Variants in PTPRT observed in about 807,000 individuals in gnomAD.
PTPRT encodes the protein protein tyrosine phosphatase receptor type T.
Under a neutral mutation model 176.8 loss-of-function variants are expected in PTPRT, and 56 were observed. The ratio of observed to expected loss-of-function variants is 0.32; its 90% confidence interval spans 0.26 to 0.40. The LOEUF (loss-of-function observed/expected upper bound fraction) is 0.40, where lower values mean the gene tolerates loss of function less well. PTPRT is among the 10% of genes least tolerant of loss of function. PTPRT has a pLI of 1.00. For synonymous variants in PTPRT, 783 were observed against 739.0 expected, an observed-to-expected ratio of 1.06 and a Z score of -0.96; for missense variants, 1,540 against 1,908.2, an observed-to-expected ratio of 0.81 and a Z score of 3.60.
intron 6 of PTPRT, among the ~76,000 whole-genome samples, chr20:42,728,433 C>T (rs947701648): frequency 1.3e-5 from 2 of 152,148 alleles, no homozygotes; most frequent in Non-Finnish European, 2.9e-5. Flanking sequence ...GAGGTAAGGA[C>T]TTGCCATAGG....
intron 4 of PTPRT, among the ~76,000 whole-genome samples, chr20:42,778,777 A>G (rs917856598): frequency 4.6e-5 from 7 of 152,208 alleles, no homozygotes; most frequent in African/African-American, 1.4e-4. Context: ...ATGCATATCT[A>G]CTACATAAAC....
intron 7 of PTPRT, among the ~76,000 whole-genome samples, chr20:42,614,507 T>C (rs899876758): frequency 3.3e-5 from 5 of 151,914 alleles, no homozygotes; most frequent in Non-Finnish European, 7.4e-5. Flanking sequence ...TAGCGTGGGT[T>C]CCAGTGTCAG....
chr20:42,810,015 G>A (rs995651699), intron 2 of PTPRT, among the ~76,000 whole-genome samples: 12 of 152,126 alleles, frequency 7.9e-5, no homozygotes, highest in East Asian at 1.9e-4. Flanking sequence ...AGTAGGGGCC[G>A]GGCGCGGTGG....
Position 42,087,404 on chromosome 20 carries a change from TTTTTTA to T in PTPRT, c.3847-1557_3847-1552del, listed in dbSNP as rs1173891821. Among the ~76,000 whole-genome samples the T allele has an allele frequency of 2.0e-5, 3 of 149,412 alleles. No individual in the cohort carries two copies. In the East Asian group the frequency reaches 5.9e-4, roughly 29 times the overall value. On this transcript the variant is annotated intron_variant, in intron 27 of 30. Transcript: ENST00000373187. ...TGCCATCACACCCGGCTATTTTATT[TTTTTTA>T]TTTTTATTTTGTGTTTTTAGTAGAG...
At chr20:42,448,816 G>A (rs865937052) in intron 8 of PTPRT, among the ~76,000 whole-genome samples, 1 of 151,496 alleles carries the variant, frequency 6.6e-6, no homozygotes, top group South Asian at 2.1e-4. Context: ...ATTATTGTAG[G>A]CCACACATAA....
rs146253375 is a variant in PTPRT, at chr20:42,276,095, C to T, written c.2176+6394G>A. ...CCTGGTTGCTCTAGCTAGATTTGGA[C>T]ATGCTATGCTCCTGGGTCCCTCCTG... On this transcript the variant is annotated intron_variant, in intron 13 of 30. Coordinates refer to ENST00000373187, the MANE Select transcript of PTPRT (RefSeq NM_007050.6). 2.1e-4 allele frequency among the ~76,000 whole-genome samples: 32 copies of T among 152,220 alleles called. No homozygotes were observed. In the East Asian group the frequency reaches 3.9e-3, roughly 18 times the overall value.
chr20:42,881,106 G>A (rs2079004575), intron 2 of PTPRT, among the ~76,000 whole-genome samples: 1 of 152,178 alleles, frequency 6.6e-6, no homozygotes, highest in Admixed American at 6.5e-5. Flanking sequence ...TCCAGCCCCA[G>A]AGATTGCAAG....
chr20:42,794,927 T>C (rs766996591), intron 2 of PTPRT, among the ~76,000 whole-genome samples: 15 of 152,022 alleles, frequency 9.9e-5, no homozygotes, highest in Non-Finnish European at 2.1e-4. Context: ...CTTATATAGG[T>C]CTGACCACAC....
Position 42,455,512 on chromosome 20 carries a change from A to G in PTPRT, c.1451-7183T>C, listed in dbSNP as rs180759788. Among the ~76,000 whole-genome samples, 64 of 152,332 alleles carry G rather than the reference A, an allele frequency of 4.2e-4. No individual in the cohort carries two copies. In the East Asian group the frequency reaches 0.012, roughly 28 times the overall value. On this transcript the variant is annotated intron_variant, in intron 8 of 30. Coordinates refer to ENST00000373187, the MANE Select transcript of PTPRT (RefSeq NM_007050.6). ...CACAAAAGAGTTTTTCTTACATAAG[A>G]AACACTTTCTCTATCCTGAAGTCAT...
At chr20:42,908,001 G>A (rs73910614) in intron 1 of PTPRT, among the ~76,000 whole-genome samples, 4,169 of 152,080 alleles carry the variant, frequency 0.027, 118 homozygotes, top group African/African-American at 0.073. Flanking sequence ...AGAACCCTTC[G>A]GGAAGAGGTA....
intron 2 of PTPRT, among the ~76,000 whole-genome samples, chr20:42,826,468 T>A (rs1254071479): frequency 2.6e-5 from 4 of 152,310 alleles, no homozygotes; most frequent in Admixed American, 6.5e-5. Context: ...CCAATGATGA[T>A]GACTATTTGA....
At chr20:42,433,538 G>A (rs938877231) in intron 9 of PTPRT, among the ~76,000 whole-genome samples, 10 of 152,160 alleles carry the variant, frequency 6.6e-5, no homozygotes, top group South Asian at 2.1e-4. Flanking sequence ...TGCCCTGATT[G>A]ATTATTGATG....
chr20:43,157,219 G>T (rs1051887631), intron 1 of PTPRT, among the ~76,000 whole-genome samples: 8 of 150,860 alleles, frequency 5.3e-5, no homozygotes, highest in African/African-American at 2.0e-4. Context: ...AAATAGCCAG[G>T]CATGGTGGTA....
intron 4 of PTPRT, among the ~76,000 whole-genome samples, chr20:42,778,624 G>A (rs887281146): frequency 3.3e-5 from 5 of 152,160 alleles, no homozygotes; most frequent in African/African-American, 7.2e-5. Flanking sequence ...AAGATTGAGC[G>A]CATGCAATTA....
intron 7 of PTPRT, among the ~76,000 whole-genome samples, chr20:42,677,539 G>GA (rs1453452815): frequency 2.0e-5 from 3 of 152,008 alleles, no homozygotes; most frequent in Non-Finnish European, 2.9e-5. Flanking sequence ...ATGGCACCAG[G>GA]AGTTCTGGAA....
At position 42,239,413 on chromosome 20, in the gene PTPRT, C is replaced by CTTTTTT. The variant is rs35978863; in HGVS notation, c.2313-3161_2313-3156dup. Reference sequence around the variant, plus strand: ...ATAAAGCTTGTAGCTCATTTTCTTTCTTTTTTTTTTTTTTTTTTTTTTTTT... The same window carrying CTTTTTT: ...ATAAAGCTTGTAGCTCATTTTCTTTCTTTTTTTTTTTTTTTTTTTTTTTTTTTTTTT... On this transcript the variant is annotated intron_variant, in intron 14 of 30. Coordinates refer to ENST00000373187, the MANE Select transcript of PTPRT (RefSeq NM_007050.6). Among the ~76,000 whole-genome samples, 37 of 81,226 alleles carry CTTTTTT rather than the reference C, an allele frequency of 4.6e-4. 1 individual carries two copies. Among genetic ancestry groups the CTTTTTT allele is most frequent in the South Asian group, 1.1e-3 (2 of 1,826 alleles). 53.3% of individuals were successfully genotyped at this position (81,226 alleles called of 152,430 possible). A position where few individuals can be genotyped will look rare whatever the true frequency, so the allele number is the denominator to read the frequency against.
chr20:42,851,261 G>A (rs1298720524), intron 2 of PTPRT, among the ~76,000 whole-genome samples: 1 of 152,136 alleles, frequency 6.6e-6, no homozygotes, highest in Non-Finnish European at 1.5e-5. Flanking sequence ...GTGACACTGA[G>A]AATAACTGAG....
chr20:42,627,968 T>C (rs189389654), intron 7 of PTPRT, among the ~76,000 whole-genome samples: 1 of 152,204 alleles, frequency 6.6e-6, no homozygotes, highest in Admixed American at 6.5e-5. Context: ...TAGGCAAGGT[T>C]TCATCCATCC....
At chr20:42,992,599 G>A (rs1983979920) in intron 1 of PTPRT, among the ~76,000 whole-genome samples, 1 of 152,238 alleles carries the variant, frequency 6.6e-6, no homozygotes, top group Admixed American at 6.5e-5. Flanking sequence ...AGATAGCTGA[G>A]CCAAAAAAGA....
Sources: gnomAD v4.1 joint callset for allele counts (sites outside exome capture counted in the v4.1 genomes callset) on GRCh38, gnomAD v4.1.1 for gene constraint, MANE v1.5 for transcripts, NCBI Gene and HGNC (gene_info 2026-07-23, HGNC 2026-07-21) for gene names.